The following FANCM variants were observed in gnomAD, a reference collection of about 807,000 sequenced individuals.
The protein encoded by FANCM is Fanconi anemia group M protein.
A neutral mutation model predicts 199.5 loss-of-function variants in FANCM; 140 were observed. The observed-to-expected ratio is 0.70, with a 90% CI of 0.61 to 0.81. The LOEUF (loss-of-function observed/expected upper bound fraction) is 0.81, where lower values mean the gene tolerates loss of function less well. Ranked by LOEUF, FANCM falls within the 30% of genes least tolerant of loss-of-function variation. The pLI is 0.00. For missense variants in FANCM, 2,410 were observed against 2,421.4 expected (o/e 1.00, Z 0.10); for synonymous variants, 840 against 836.8 (o/e 1.00, Z -0.07).
In FANCM at chr14:45,151,471, A is replaced by G. The variant is rs1886812660; in HGVS notation, c.993A>G (p.Lys331=). ...LMRRDIPNLT[K]YQIILARDQF... is the part of the protein sequence containing the mutation. ...GAAGGGATATCCCAAATCTAACAAA[A>G]TATCAGATAATTCTGGCAAGAGATC... The change falls in exon 5 of 23, where the codon AAA becomes AAG. Residue 331 remains lysine, a synonymous_variant. Coordinates refer to ENST00000267430, the MANE Select transcript of FANCM (RefSeq NM_020937.4). 1 of 1,611,974 alleles carries G rather than the reference A, an allele frequency of 6.2e-7. No homozygotes were observed. Among genetic ancestry groups the G allele is most frequent in the Non-Finnish European group, 8.5e-7 (1 of 1,178,118 alleles).
At position 45,176,653 on chromosome 14, in the gene FANCM, A is replaced by G. The variant is rs2139252144; in HGVS notation, c.3899A>G (p.Glu1300Gly). Residue 1300 changes from glutamate to glycine, a missense_variant, in exon 14 of 23, where the codon GAA becomes GGA. Physicochemically the swap from Glu to Gly is moderately conservative, Grantham distance 98. Coordinates refer to ENST00000267430, the MANE Select transcript of FANCM (RefSeq NM_020937.4). ...GGAACTGTTATTATCCCATCAAATG[A>G]AGATATGCAGAATCCAAATTATGTA... ...TSGTVIIPSN[E>G]DMQNPNYVHL... 1 of 1,613,770 alleles carries G rather than the reference A, an allele frequency of 6.2e-7. No individual in the cohort carries two copies. Among genetic ancestry groups the G allele is most frequent in the South Asian group, 1.1e-5 (1 of 91,056 alleles).
intron 6 of FANCM, 77 bp downstream of exon 6, chr14:45,154,129 A>T: frequency 1.8e-6 from 2 of 1,110,098 alleles, no homozygotes; most frequent in Non-Finnish European, 2.7e-6. Context: ...GGCTGGGCAC[A>T]GTGGCTCATT....
intron 21 of FANCM, among the ~76,000 whole-genome samples, chr14:45,197,222 A>C (rs1384906499): frequency 6.6e-6 from 1 of 152,166 alleles, no homozygotes; most frequent in African/African-American, 2.4e-5. Flanking sequence ...TGCATTGACA[A>C]ATCACTCCCT....
At position 45,136,172 on chromosome 14, in the gene FANCM, G is replaced by A; in HGVS notation, c.141G>A (p.Glu47=). The change falls in exon 1 of 23, where the codon GAG becomes GAA. Residue 47 remains glutamate, a synonymous_variant. Transcript: ENST00000267430. The part of the protein sequence containing the change: ...SSKAPLPAAA[E]AQLESDDDVL... ...AGGCGCCTTTGCCAGCAGCAGCGGAGGCTCAGCTGGAGTCGGACGATGATG... is the reference window on the plus strand; with the variant it reads ...AGGCGCCTTTGCCAGCAGCAGCGGAAGCTCAGCTGGAGTCGGACGATGATG... The A allele has an allele frequency of 6.2e-7, 1 of 1,614,204 alleles. No homozygotes were observed. The highest frequency in any genetic ancestry group is 8.5e-7 in the Non-Finnish European group (1 of 1,180,032).
Position 45,175,241 on chromosome 14 carries a change from G to C in FANCM, c.2487G>C (p.Val829=), listed in dbSNP as rs1425297617. The change falls in exon 14 of 23, where the codon GTG becomes GTC. Residue 829 remains valine (V), a synonymous_variant. Transcript: ENST00000267430. The part of the protein sequence containing the change: ...KNINQGSSSS[V]IESDEECAEI... Reference sequence around the variant, plus strand: ...TAAATCAAGGCAGTTCATCCTCAGTGATAGAATCTGATGAAGAATGTGCTG... The same window carrying C: ...TAAATCAAGGCAGTTCATCCTCAGTCATAGAATCTGATGAAGAATGTGCTG... 1.2e-6 allele frequency: 2 copies of C among 1,609,728 alleles called. No homozygotes were observed. The highest frequency in any genetic ancestry group is 2.2e-5 in the South Asian group (2 of 89,334).
chr14:45,199,285 G>A (rs530932458), intron 22 of FANCM, among the ~76,000 whole-genome samples: 2 of 152,256 alleles, frequency 1.3e-5, no homozygotes, highest in South Asian at 2.1e-4. Flanking sequence ...TCATTATATT[G>A]CTTGAAGAGG....
chr14:45,150,364 T>C (rs544557453), intron 4 of FANCM, among the ~76,000 whole-genome samples: 2 of 152,330 alleles, frequency 1.3e-5, no homozygotes, highest in African/African-American at 2.4e-5. Context: ...CATATACAAA[T>C]GTAATTTAAT....
Position 45,198,825 on chromosome 14 carries a change from T to C in FANCM, c.5898T>C (p.Asn1966=), listed in dbSNP as rs780323169. Residue 1966 remains asparagine (N), a synonymous_variant, in exon 22 of 23, where the codon AAT becomes AAC. Coordinates refer to ENST00000267430, the MANE Select transcript of FANCM (RefSeq NM_020937.4). ...GTATTCATGTTCCAACAGTGGTGAA[T>C]AGTAATAAAAGTGAGGCACTCCAGT... is the stretch of plus-strand genomic sequence containing the variant. The part of the protein sequence containing the change: ...NVGIHVPTVV[N]SNKSEALQFY... 21 of 1,613,722 alleles carry C rather than the reference T, an allele frequency of 1.3e-5. No homozygotes were observed. Among genetic ancestry groups the C allele is most frequent in the Non-Finnish European group, 5.1e-6 (6 of 1,179,654 alleles).
At chr14:45,170,769 T>G (rs750532524) in intron 12 of FANCM, 23 bp downstream of exon 12, 2 of 1,597,242 alleles carry the variant, frequency 1.3e-6, no homozygotes, top group South Asian at 2.2e-5. Context: ...TATTTTCAGA[T>G]GTTCTTTTCC....
chr14:45,177,963 A>G (rs957166215), intron 14 of FANCM, among the ~76,000 whole-genome samples: 9 of 152,244 alleles, frequency 5.9e-5, no homozygotes, highest in Admixed American at 2.0e-4. Context: ...TTACACTTAC[A>G]GAAAAACTAG....
At chr14:45,166,667 T>G (rs972030180) in intron 10 of FANCM, among the ~76,000 whole-genome samples, 3 of 151,448 alleles carry the variant, frequency 2.0e-5, no homozygotes, top group Admixed American at 6.6e-5. Flanking sequence ...TCCCAGCTAC[T>G]CAGGAGGCTA....
chr14:45,163,836 A>G (rs2139202616), intron 9 of FANCM, among the ~76,000 whole-genome samples: 1 of 152,312 alleles, frequency 6.6e-6, no homozygotes, highest in African/African-American at 2.4e-5. Context: ...CATCACAACC[A>G]TTACTAAAGC....
At chr14:45,149,556 C>T (rs1255155134) in intron 4 of FANCM, among the ~76,000 whole-genome samples, 3 of 152,006 alleles carry the variant, frequency 2.0e-5, no homozygotes, top group African/African-American at 4.8e-5. Context: ...TGAATAGAGA[C>T]GAGGTTTCAC....
chr14:45,167,939 G>T (rs1888094988), intron 11 of FANCM, among the ~76,000 whole-genome samples: 1 of 152,002 alleles, frequency 6.6e-6, no homozygotes, highest in Non-Finnish European at 1.5e-5. Context: ...TTCTTTAGAG[G>T]GTTCATTCCA....
chr14:45,199,526 C>T (rs1890247632), intron 22 of FANCM, among the ~76,000 whole-genome samples: 1 of 152,294 alleles, frequency 6.6e-6, no homozygotes, highest in South Asian at 2.1e-4. Flanking sequence ...GCTCTTTGAC[C>T]TCTTCTTAAA....
chr14:45,164,393 C>A lies in FANCM; in HGVS notation c.1616C>A (p.Thr539Lys). The A allele has an allele frequency of 1.2e-6, 2 of 1,613,134 alleles. No individual in the cohort carries two copies. Among genetic ancestry groups the A allele is most frequent in the South Asian group, 2.2e-5 (2 of 91,026 alleles). Reference sequence around the variant, plus strand: ...CAGTTTCGTGACGGTGGTTACAACACGCTGGTTTCTACCTGTGTGGGTGAA... The same window carrying A: ...CAGTTTCGTGACGGTGGTTACAACAAGCTGGTTTCTACCTGTGTGGGTGAA... ...VKQFRDGGYN[T>K]LVSTCVGEEG... The change falls in exon 10 of 23, where the codon ACG (threonine) becomes AAG (lysine). Residue 539 changes from threonine to lysine, a missense_variant. Transcript: ENST00000267430.
chr14:45,188,089 A>C (rs941594438), intron 19 of FANCM, among the ~76,000 whole-genome samples: 5 of 152,214 alleles, frequency 3.3e-5, no homozygotes, highest in Non-Finnish European at 5.9e-5. Flanking sequence ...CTGTAATCCC[A>C]GCACTTTGGG....
chr14:45,155,454 G>T lies in FANCM; in HGVS notation c.1391G>T (p.Trp464Leu), dbSNP rs1566739075. 1 of 1,450,932 alleles carries T rather than the reference G, an allele frequency of 6.9e-7. No homozygotes were observed. 89.9% of individuals were successfully genotyped at this position (1,450,932 alleles called of 1,614,324 possible). A position where few individuals can be genotyped will look rare whatever the true frequency, so the allele number is the denominator to read the frequency against. The stretch of plus-strand genomic sequence containing the variant: ...GTTGTAATTGAACACTTCAAGTCAT[G>T]GAATGGTAGGTCATATTTAGTAGCT... ...EEVVIEHFKS[W>L]NAENTTEKKR... Residue 464 changes from tryptophan (W) to leucine (L), a missense_variant, in exon 8 of 23, where the codon TGG (tryptophan) becomes TTG (leucine). Coordinates refer to ENST00000267430, the MANE Select transcript of FANCM (RefSeq NM_020937.4).
chr14:45,170,015 C>G (rs1045698879), intron 11 of FANCM, among the ~76,000 whole-genome samples: 6 of 152,154 alleles, frequency 3.9e-5, no homozygotes, highest in African/African-American at 1.4e-4. Context: ...TCCAATACTG[C>G]TATGATAGAA....
Sources: allele counts gnomAD v4.1 joint callset (sites outside exome capture counted in the v4.1 genomes callset), GRCh38; gene constraint gnomAD v4.1.1; transcripts MANE v1.5; gene names NCBI Gene and HGNC (gene_info 2026-07-23, HGNC 2026-07-21).